Variants in GP6 observed in about 807,000 individuals in gnomAD.
GP6 encodes the protein platelet glycoprotein VI.
A neutral mutation model predicts 37.3 loss-of-function variants in GP6; 45 were observed. The ratio of observed to expected loss-of-function variants is 1.21; its 90% confidence interval spans 0.95 to 1.55. The LOEUF is 1.55. GP6 is among the 40% of genes most tolerant of loss of function. The pLI is 0.00. For missense variants in GP6, 813 were observed against 760.2 expected, an observed-to-expected ratio of 1.07 and a Z score of -0.82; for synonymous variants, 340 against 316.4, an observed-to-expected ratio of 1.07 and a Z score of -0.79.
rs201413568 is a variant in GP6, at chr19:55,014,938, G to A, written c.1007C>T (p.Pro336Leu). The change falls in exon 8 of 8, where the codon CCG becomes CTG. Residue 336 changes from proline to leucine, a missense_variant. Pro to Leu is a moderately conservative substitution (Grantham distance 98, BLOSUM62 -3). Transcript: ENST00000310373. Reference sequence around the variant, plus strand: ...TTCAGCGGTCATGAACATAACCCGCGGCTGTGAACATCCTGTCGGCCTCCA... The same window carrying A: ...TTCAGCGGTCATGAACATAACCCGCAGCTGTGAACATCCTGTCGGCCTCCA... 8.5e-5 allele frequency: 137 copies of A among 1,613,638 alleles called. No homozygotes were observed. Among genetic ancestry groups the A allele is most frequent in the South Asian group, 3.3e-4 (30 of 91,070 alleles).
chr19:55,023,594 G>A (rs529649495), intron 5 of GP6, among the ~76,000 whole-genome samples: 3 of 152,252 alleles, frequency 2.0e-5, no homozygotes, highest in South Asian at 2.1e-4. Flanking sequence ...ATGACTGTAA[G>A]CTTCCTGAGG....
chr19:55,018,564 G>A, intron 6 of GP6, 88 bp downstream of exon 6: 3 of 833,530 alleles, frequency 3.6e-6, no homozygotes, highest in Non-Finnish European at 6.4e-6. Context: ...TCGGTGAAGT[G>A]ATTAAAAGCC....
chr19:55,016,375 C>CT (rs35960763), intron 6 of GP6, among the ~76,000 whole-genome samples: 5,342 of 108,746 alleles, frequency 0.049, 198 homozygotes, highest in Non-Finnish European at 0.07. Flanking sequence ...TACGTGCCAG[C>CT]TTTTTTTTTT....
chr19:55,025,775 G>C (rs1346315179), intron 4 of GP6, among the ~76,000 whole-genome samples: 2 of 151,960 alleles, frequency 1.3e-5, no homozygotes, highest in African/African-American at 4.8e-5. Context: ...GCCGAGGCAG[G>C]CAGATCACCT....
intron 5 of GP6, 59 bp downstream of exon 5, chr19:55,025,159 A>AGAGAAGGGGTCC: frequency 1.2e-6 from 1 of 854,766 alleles, no homozygotes; most frequent in Non-Finnish European, 2.0e-6. Context: ...GAGAGGAGAG[A>AGAGAAGGGGTCC]GAGAAGGGGT....
At chr19:55,015,792 G>C (rs764587013) in intron 6 of GP6, 59 bp from the exon 7 acceptor site, 1 of 893,922 alleles carries the variant, frequency 1.1e-6, no homozygotes, top group Non-Finnish European at 1.9e-6. Flanking sequence ...CCCTGTCACT[G>C]TGCCTACTCC....
chr19:55,017,472 G>T lies in GP6; in HGVS notation c.724+1180C>A, dbSNP rs150261270. Among the ~76,000 whole-genome samples the T allele has an allele frequency of 7.2e-5, 11 of 152,014 alleles. No individual in the cohort carries two copies. The South Asian group carries it at 1.0e-3, about 14-fold the overall frequency. On this transcript the variant is annotated intron_variant, in intron 6 of 7. Transcript: ENST00000310373. ...CTGAGCGAGAGCAGAGGAAACCATC[G>T]ATCCAGCCTGGACGGTCAAGGCTTT...
Position 55,029,343 on chromosome 19 carries a change from TA to T in GP6, c.326-1482del, listed in dbSNP as rs2074448174. ...ATATATATATATATATATATATATA[TA>T]TATATATATATATATATATATATAT... On this transcript the variant is annotated intron_variant, in intron 3 of 7. Coordinates refer to ENST00000310373, the MANE Select transcript of GP6 (RefSeq NM_001083899.2). Among the ~76,000 whole-genome samples the T allele has an allele frequency of 1.4e-3, 4 of 2,914 alleles. 1 individual carries two copies. The highest frequency in any genetic ancestry group is 0.023 in the East Asian group (2 of 88). 1.9% of individuals were successfully genotyped at this position (2,914 alleles called of 152,430 possible).
intron 1 of GP6, among the ~76,000 whole-genome samples, chr19:55,037,515 T>C (rs926379389): frequency 2.5e-4 from 38 of 151,936 alleles, no homozygotes; most frequent in African/African-American, 8.0e-4. Context: ...TTTTGTATTT[T>C]TAGTAGAGAT....
intron 5 of GP6, among the ~76,000 whole-genome samples, chr19:55,024,191 T>G (rs73614062): frequency 0.036 from 5,429 of 151,854 alleles, 313 homozygotes; most frequent in African/African-American, 0.12. Context: ...GTTCTATCAT[T>G]GTAGACTTCC....
chr19:55,038,089 AC>A, intron 1 of GP6, 113 bp downstream of exon 1: 2 of 858,754 alleles, frequency 2.3e-6, no homozygotes, highest in South Asian at 1.4e-5. Context: ...AGGGGCTCTT[AC>A]AGGTTCCTTT....
chr19:55,021,995 T>A (rs943794744), intron 5 of GP6, among the ~76,000 whole-genome samples: 1 of 151,988 alleles, frequency 6.6e-6, no homozygotes, highest in African/African-American at 2.4e-5. Context: ...CACTTTTTAA[T>A]GGTTTTTTTT....
At chr19:55,037,875 G>A (rs572720461) in intron 1 of GP6, among the ~76,000 whole-genome samples, 81 of 152,042 alleles carry the variant, frequency 5.3e-4, no homozygotes, top group African/African-American at 1.9e-3. Flanking sequence ...CACCCACCTC[G>A]GCCTCCCAAG....
At chr19:55,032,838 TGTGGACTTGTTCGTGTTAGACACG>T (rs1568639860) in intron 1 of GP6, 22 of 528,742 alleles carry the variant, frequency 4.2e-5, no homozygotes, top group Non-Finnish European at 6.7e-5. Flanking sequence ...TACTGCTCTC[TGTGGACTTGTTCGTGTTAGACACG>T]GTGGGCTCGT....
intron 1 of GP6, among the ~76,000 whole-genome samples, chr19:55,036,179 C>A (rs573649056): frequency 6.6e-6 from 1 of 151,828 alleles, no homozygotes. Flanking sequence ...TATATTCTCA[C>A]TTATAAGTGA....
intron 3 of GP6, among the ~76,000 whole-genome samples, chr19:55,028,843 CA>C: frequency 6.6e-6 from 1 of 152,056 alleles, no homozygotes; most frequent in South Asian, 2.1e-4. Flanking sequence ...GTCAGAAAAA[CA>C]AAGGTTGAGG....
At chr19:55,029,139 T>C (rs1012979388) in intron 3 of GP6, among the ~76,000 whole-genome samples, 2 of 143,504 alleles carry the variant, frequency 1.4e-5, no homozygotes, top group African/African-American at 2.5e-5. Flanking sequence ...AGGAAGGAAA[T>C]ATATAAGCTG....
intron 4 of GP6, among the ~76,000 whole-genome samples, chr19:55,027,030 TGCAGCCCAG>T (rs1165202852): frequency 1.1e-4 from 10 of 90,986 alleles, no homozygotes; most frequent in Admixed American, 2.2e-4. Flanking sequence ...GCCCCGCCCC[TGCAGCCCAG>T]GGCTTCCTGC....
intron 5 of GP6, among the ~76,000 whole-genome samples, chr19:55,022,215 T>C (rs2074112382): frequency 6.6e-6 from 1 of 152,232 alleles, no homozygotes; most frequent in Non-Finnish European, 1.5e-5. Context: ...TGTCATGAAA[T>C]CTTTGCCCAT....
Sources: allele counts gnomAD v4.1 joint callset (sites outside exome capture counted in the v4.1 genomes callset), GRCh38; gene constraint gnomAD v4.1.1; transcripts MANE v1.5; gene names NCBI Gene and HGNC (gene_info 2026-07-23, HGNC 2026-07-21).